FAM193A: variants seen among roughly 807,000 people sequenced by gnomAD.
FAM193A encodes the protein protein FAM193A.
In FAM193A, 22 loss-of-function variants were observed where a neutral mutation model predicts 126.5. The ratio of observed to expected loss-of-function variants is 0.17; its 90% CI spans 0.12 to 0.25. The LOEUF is 0.25. FAM193A is among the 10% of genes least tolerant of loss of function. FAM193A has a pLI of 1.00. For synonymous variants in FAM193A, 761 were observed against 646.8 expected (o/e 1.18, Z -2.68); for missense variants, 1,675 against 1,672.8 (o/e 1.00, Z -0.02).
intron 13 of FAM193A, 100 bp downstream of exon 13, chr4:2,672,472 G>A: frequency 1.5e-6 from 2 of 1,291,126 alleles, no homozygotes; most frequent in Middle Eastern, 1.9e-4. Context: ...AACTTGCATA[G>A]GATAGCATCT....
intron 1 of FAM193A, among the ~76,000 whole-genome samples, chr4:2,556,538 C>T (rs1000993462): frequency 2.0e-5 from 3 of 152,106 alleles, no homozygotes; most frequent in African/African-American, 4.8e-5. Flanking sequence ...AGAAGGGAGT[C>T]AGGTGTGGTA....
chr4:2,613,241 A>C (rs371448650), intron 2 of FAM193A, among the ~76,000 whole-genome samples: 1 of 152,190 alleles, frequency 6.6e-6, no homozygotes, highest in Non-Finnish European at 1.5e-5. Flanking sequence ...GTTTAAGACC[A>C]GTTTGGGCAA....
intron 1 of FAM193A, among the ~76,000 whole-genome samples, chr4:2,590,491 AAAAACAAAAAAAAACAAAAAAAAAAC>A (rs1740490995): frequency 3.9e-5 from 4 of 102,706 alleles, no homozygotes; most frequent in African/African-American, 2.6e-4. Flanking sequence ...AAAAACAAAA[AAAAACAAAAAAAAACAAAAAAAAAAC>A]AAAACAAAAT....
chr4:2,604,377 G>C (rs1005122393), intron 2 of FAM193A, among the ~76,000 whole-genome samples: 34 of 152,222 alleles, frequency 2.2e-4, no homozygotes, highest in African/African-American at 7.7e-4. Flanking sequence ...CTGTGTTTCC[G>C]TGGTTTTATT....
At chr4:2,670,485 C>A (rs1334660613) in intron 12 of FAM193A, among the ~76,000 whole-genome samples, 1 of 152,014 alleles carries the variant, frequency 6.6e-6, no homozygotes, top group African/African-American at 2.4e-5. Context: ...CAAGGTCTTG[C>A]TCTGCCACCC....
chr4:2,637,012 G>C (rs1744149224), intron 5 of FAM193A, among the ~76,000 whole-genome samples: 1 of 152,164 alleles, frequency 6.6e-6, no homozygotes, highest in Non-Finnish European at 1.5e-5. Flanking sequence ...CATATTTTTT[G>C]TATTTACTTT....
intron 19 of FAM193A, among the ~76,000 whole-genome samples, chr4:2,710,279 A>G (rs146324051): frequency 0.013 from 1,785 of 137,804 alleles, 57 homozygotes; most frequent in East Asian, 0.12. Context: ...GGTTCAAGCT[A>G]TTCTCCTGCC....
At position 2,693,775 on chromosome 4, in the gene FAM193A, C is replaced by A; in HGVS notation, c.2993C>A (p.Thr998Asn). The A allele has an allele frequency of 1.2e-6, 2 of 1,614,220 alleles. No homozygotes were observed. Among genetic ancestry groups the A allele is most frequent in the Non-Finnish European group, 1.7e-6 (2 of 1,180,034 alleles). ...GCCCCATCATTCCCCAAAACAGCAACCACAACTCCTGGGTTTGTGGACACA... is the reference window on the plus strand; with the variant it reads ...GCCCCATCATTCCCCAAAACAGCAAACACAACTCCTGGGTTTGTGGACACA... The part of the protein sequence containing the change: ...LAAPSFPKTA[T>N]TTPGFVDTRK... The change falls in exon 16 of 21, where the codon ACC becomes AAC. Residue 998 changes from threonine to asparagine, a missense_variant. Thr to Asn is a moderately conservative substitution (Grantham distance 65, BLOSUM62 0). Coordinates refer to ENST00000637812, the MANE Select transcript of FAM193A (RefSeq NM_001366318.2).
chr4:2,654,951 T>C (rs868160233), intron 7 of FAM193A: 16 of 493,710 alleles, frequency 3.2e-5, no homozygotes, highest in African/African-American at 2.1e-4. Flanking sequence ...AGTTTTTGAG[T>C]TGAGTCTTGA....
chr4:2,663,177 T>A lies in FAM193A; in HGVS notation c.1968T>A (p.Ser656Arg). The stretch of plus-strand genomic sequence containing the variant: ...ATGATGAAGAAGCGGACGGCGAGAG[T>A]AGTGGGGAGCCCCCAGGGGCCCCGA... ...EADDEEADGESSGEPPGAPKE... is the reference protein window; with the variant it reads ...EADDEEADGERSGEPPGAPKE... Residue 656 changes from serine (S) to arginine (R), a missense_variant, in exon 12 of 21, where the codon AGT (serine) becomes AGA (arginine). Coordinates refer to ENST00000637812, the MANE Select transcript of FAM193A (RefSeq NM_001366318.2). 1 of 1,613,596 alleles carries A rather than the reference T, an allele frequency of 6.2e-7. No individual in the cohort carries two copies. The highest frequency in any genetic ancestry group is 8.5e-7 in the Non-Finnish European group (1 of 1,179,888).
At chr4:2,626,746 T>C (rs1442974314) in intron 4 of FAM193A, among the ~76,000 whole-genome samples, 169 bp downstream of exon 4, 1 of 152,192 alleles carries the variant, frequency 6.6e-6, no homozygotes, top group African/African-American at 2.4e-5. Flanking sequence ...GTGAGCCCCC[T>C]AGGTCAAACG....
At chr4:2,578,239 A>G (rs1225929465) in intron 1 of FAM193A, among the ~76,000 whole-genome samples, 1 of 152,110 alleles carries the variant, frequency 6.6e-6, no homozygotes, top group African/African-American at 2.4e-5. Context: ...TTCCTAATAA[A>G]GTACTCTGTT....
chr4:2,636,440 A>G (rs551761498), intron 5 of FAM193A, among the ~76,000 whole-genome samples: 16 of 152,104 alleles, frequency 1.1e-4, no homozygotes, highest in Non-Finnish European at 1.8e-4. Flanking sequence ...GAGTTTCTTA[A>G]TGGTTAGTTG....
intron 10 of FAM193A, among the ~76,000 whole-genome samples, chr4:2,662,275 A>T (rs949305850): frequency 6.6e-6 from 1 of 152,226 alleles, no homozygotes; most frequent in African/African-American, 2.4e-5. Flanking sequence ...TTTAATTACG[A>T]TCATGAGTGA....
intron 8 of FAM193A, among the ~76,000 whole-genome samples, chr4:2,658,169 C>A (rs1369032905): frequency 6.6e-6 from 1 of 152,152 alleles, no homozygotes; most frequent in Non-Finnish European, 1.5e-5. Context: ...TACCTGAGTC[C>A]CCACAGTCCC....
At chr4:2,652,732 C>T (rs1437848027) in intron 7 of FAM193A, among the ~76,000 whole-genome samples, 1 of 152,158 alleles carries the variant, frequency 6.6e-6, no homozygotes, top group Non-Finnish European at 1.5e-5. Flanking sequence ...TGGGCGGGGA[C>T]ACAAATCTAA....
intron 5 of FAM193A, 32 bp downstream of exon 5, chr4:2,631,201 T>C (rs781770559): frequency 1.8e-5 from 29 of 1,572,728 alleles, no homozygotes; most frequent in Admixed American, 5.4e-5. Flanking sequence ...TCTTTCTGTT[T>C]GGATGAGCTG....
chr4:2,644,785 A>G (rs1213446050), intron 6 of FAM193A, among the ~76,000 whole-genome samples: 1 of 152,178 alleles, frequency 6.6e-6, no homozygotes, highest in Admixed American at 6.5e-5. Flanking sequence ...ATTCCTGCCC[A>G]TTTCACCCAT....
chr4:2,621,793 C>T (rs922393550), intron 2 of FAM193A, among the ~76,000 whole-genome samples: 20 of 151,996 alleles, frequency 1.3e-4, no homozygotes, highest in Non-Finnish European at 1.0e-4. Flanking sequence ...TGGAGGAGAG[C>T]GTGAACCTCG....
Sources: allele counts gnomAD v4.1 joint callset (sites outside exome capture counted in the v4.1 genomes callset), GRCh38; gene constraint gnomAD v4.1.1; transcripts MANE v1.5; gene names NCBI Gene and HGNC (gene_info 2026-07-23, HGNC 2026-07-21).